TACR1: variants seen among roughly 807,000 people sequenced by gnomAD.
The protein encoded by TACR1 is tachykinin receptor 1, also known as substance-P receptor.
TACR1 carries 25 observed loss-of-function variants against 35.8 expected under a neutral mutation model. The ratio of observed to expected loss-of-function variants is 0.70; its 90% CI spans 0.51 to 0.98. The LOEUF is 0.98. TACR1 is among the 50% of genes least tolerant of loss of function. The pLI, the probability that TACR1 is intolerant of heterozygous loss-of-function variation, is 0.00. For synonymous variants in TACR1, 195 were observed against 206.7 expected (o/e 0.94, Z 0.48); for missense variants, 478 against 522.9 (o/e 0.91, Z 0.84).
chr2:75,106,055 A>G (rs1427990016), intron 2 of TACR1, among the ~76,000 whole-genome samples: 19 of 152,052 alleles, frequency 1.2e-4, no homozygotes, highest in Admixed American at 1.2e-3. Flanking sequence ...ATTGTGATAA[A>G]TGTACTATAC....
At chr2:75,106,175 TA>T (rs1422009053) in intron 2 of TACR1, among the ~76,000 whole-genome samples, 1 of 152,048 alleles carries the variant, frequency 6.6e-6, no homozygotes, top group African/African-American at 2.4e-5. Flanking sequence ...ATAACTTTAT[TA>T]AAAATGGCAA....
At position 75,130,611 on chromosome 2, in the gene TACR1, A is replaced by G. The variant is rs114720902; in HGVS notation, c.390-9843T>C. Among the ~76,000 whole-genome samples the G allele has an allele frequency of 2.5e-3, 386 of 152,364 alleles. 1 individual carries two copies. Among genetic ancestry groups the G allele is most frequent in the African/African-American group, 8.6e-3 (358 of 41,582 alleles). On this transcript the variant is annotated intron_variant, in intron 1 of 4. Coordinates refer to ENST00000305249, the MANE Select transcript of TACR1 (RefSeq NM_001058.4). ...TTCAAAGAAGCACACATCAAATGAA[A>G]AGTTTAGTACTGGATTTCTGCTTTT...
chr2:75,157,954 G>C (rs1247857756), intron 1 of TACR1, among the ~76,000 whole-genome samples: 1 of 152,224 alleles, frequency 6.6e-6, no homozygotes, highest in Non-Finnish European at 1.5e-5. Context: ...TTTAGAGCCT[G>C]TTTCTCAAGA....
chr2:75,088,991 T>C (rs114154660), intron 2 of TACR1, among the ~76,000 whole-genome samples: 1 of 152,180 alleles, frequency 6.6e-6, no homozygotes, highest in Non-Finnish European at 1.5e-5. Context: ...TCAAGCTCTC[T>C]TGGGATGCAT....
intron 1 of TACR1, among the ~76,000 whole-genome samples, chr2:75,174,968 G>T (rs959168344): frequency 5.3e-5 from 8 of 152,180 alleles, no homozygotes; most frequent in Non-Finnish European, 7.3e-5. Flanking sequence ...TTTATAGATT[G>T]ATCAGAATCC....
intron 1 of TACR1, among the ~76,000 whole-genome samples, chr2:75,193,307 T>C (rs1675894744): frequency 6.6e-6 from 1 of 152,290 alleles, no homozygotes; most frequent in East Asian, 1.9e-4. Context: ...TGCTCAATAG[T>C]GGTTTGATGG....
chr2:75,197,469 T>A (rs1222102469), intron 1 of TACR1, among the ~76,000 whole-genome samples: 2 of 152,172 alleles, frequency 1.3e-5, no homozygotes, highest in Non-Finnish European at 2.9e-5. Flanking sequence ...AAAATCACAG[T>A]GGTAGGTGTT....
chr2:75,176,325 A>AT (rs112948586), intron 1 of TACR1, among the ~76,000 whole-genome samples: 10,259 of 141,592 alleles, frequency 0.072, 384 homozygotes, highest in Middle Eastern at 0.11. Context: ...GACATTATAC[A>AT]TTTTTTTTTT....
At chr2:75,173,989 C>T (rs1675352136) in intron 1 of TACR1, among the ~76,000 whole-genome samples, 1 of 152,200 alleles carries the variant, frequency 6.6e-6, no homozygotes, top group Non-Finnish European at 1.5e-5. Context: ...TACAACACTG[C>T]AGCTCAGGAA....
At chr2:75,070,253 A>G (rs28516941) in intron 2 of TACR1, among the ~76,000 whole-genome samples, 2,346 of 90,546 alleles carry the variant, frequency 0.026, 25 homozygotes, top group African/African-American at 0.07. Context: ...GTGTGTGTGT[A>G]TGTGTGTGTG....
chr2:75,106,556 T>C (rs1259063058), intron 2 of TACR1, among the ~76,000 whole-genome samples: 1 of 152,012 alleles, frequency 6.6e-6, no homozygotes, highest in African/African-American at 2.4e-5. Flanking sequence ...AAACTCCAGG[T>C]TATTAACAGA....
At chr2:75,073,923 A>G (rs1672928987) in intron 2 of TACR1, among the ~76,000 whole-genome samples, 1 of 152,112 alleles carries the variant, frequency 6.6e-6, no homozygotes, top group South Asian at 2.1e-4. Flanking sequence ...TTTCCTACTC[A>G]AGGGCTGTGA....
chr2:75,126,063 T>C (rs1391729373), intron 1 of TACR1, among the ~76,000 whole-genome samples: 1 of 152,186 alleles, frequency 6.6e-6, no homozygotes, highest in African/African-American at 2.4e-5. Context: ...TTTCTGCTTC[T>C]CTTCCTCCTC....
intron 2 of TACR1, among the ~76,000 whole-genome samples, chr2:75,087,205 CATTT>C (rs1673206158): frequency 1.3e-5 from 2 of 152,200 alleles, no homozygotes; most frequent in African/African-American, 4.8e-5. Context: ...TTGTTTCACT[CATTT>C]GTACGTTAAG....
At chr2:75,053,545 C>A (rs1036378249) in intron 3 of TACR1, 60 bp downstream of exon 3, 15 of 1,447,056 alleles carry the variant, frequency 1.0e-5, no homozygotes, top group South Asian at 1.6e-5. Context: ...GTGTGCCATC[C>A]CTTCTCGACA....
At chr2:75,196,096 G>A (rs369464572) in intron 1 of TACR1, among the ~76,000 whole-genome samples, 3 of 152,166 alleles carry the variant, frequency 2.0e-5, no homozygotes, top group African/African-American at 4.8e-5. Flanking sequence ...CCACATTGCT[G>A]TTATTTTTAA....
At chr2:75,164,481 G>C (rs1675092264) in intron 1 of TACR1, among the ~76,000 whole-genome samples, 1 of 152,132 alleles carries the variant, frequency 6.6e-6, no homozygotes, top group Non-Finnish European at 1.5e-5. Context: ...CGCAGTACGT[G>C]AAATAGATAA....
At chr2:75,176,475 C>T (rs1400145071) in intron 1 of TACR1, among the ~76,000 whole-genome samples, 1 of 152,064 alleles carries the variant, frequency 6.6e-6, no homozygotes, top group East Asian at 1.9e-4. Flanking sequence ...TCCTTTAAAA[C>T]TCCTCTGAGC....
intron 1 of TACR1, among the ~76,000 whole-genome samples, chr2:75,121,318 A>G (rs1018228909): frequency 3.9e-5 from 6 of 152,348 alleles, no homozygotes; most frequent in East Asian, 1.9e-4. Context: ...AGAAATCTTC[A>G]TCAATTCTTT....
Sources: gnomAD v4.1 joint callset for allele counts (sites outside exome capture counted in the v4.1 genomes callset) on GRCh38, gnomAD v4.1.1 for gene constraint, MANE v1.5 for transcripts, NCBI Gene and HGNC (gene_info 2026-07-23, HGNC 2026-07-21) for gene names.